Variants in CD44 observed in about 807,000 individuals in gnomAD.
CD44 encodes CD44 molecule (IN blood group).
Under a neutral mutation model 88.8 loss-of-function variants are expected in CD44, and 49 were observed. The ratio of observed to expected loss-of-function variants is 0.55; its 90% CI spans 0.44 to 0.70. CD44 has a LOEUF of 0.70. Ranked by LOEUF, CD44 falls within the 30% of genes least tolerant of loss-of-function variation. The probability of loss-of-function intolerance (pLI) is 0.00; values close to 1 mark genes in which losing one functional copy is unlikely to be tolerated. For missense variants in CD44, 883 were observed against 913.8 expected (o/e 0.97, Z 0.43); for synonymous variants, 325 against 312.3 (o/e 1.04, Z -0.43).
rs150884529 is a variant in CD44, at chr11:35,185,660, A to T, written c.368-1172A>T. Among the ~76,000 whole-genome samples, 227 of 152,280 alleles carry T rather than the reference A, an allele frequency of 1.5e-3. 1 individual carries two copies. Among genetic ancestry groups the T allele is most frequent in the African/African-American group, 5.3e-3 (221 of 41,550 alleles). On this transcript the variant is annotated intron_variant, in intron 3 of 17. Coordinates refer to ENST00000428726, the MANE Select transcript of CD44 (RefSeq NM_000610.4). ...TTTGCCAGGAGCAATTCTGGGAGAA[A>T]CTAACCTAACAAATAAATTTCCATT...
In CD44 at chr11:35,199,723, C is replaced by T. The variant is rs148351643; in HGVS notation, c.923-1359C>T. Among the ~76,000 whole-genome samples, 948 of 152,146 alleles carry T rather than the reference C, an allele frequency of 6.2e-3. 8 individuals are homozygous for T. Among genetic ancestry groups the T allele is most frequent in the Middle Eastern group, 0.01 (3 of 294 alleles). Reference sequence around the variant, plus strand: ...ATAAGAAAATTCCTTTTGGTAACTTCAGAACAAAAACCAAATAATCAAAAA... The same window carrying T: ...ATAAGAAAATTCCTTTTGGTAACTTTAGAACAAAAACCAAATAATCAAAAA... On this transcript the variant is annotated intron_variant, in intron 7 of 17. Transcript: ENST00000428726.
chr11:35,228,169 G>A (rs1406221826), intron 17 of CD44, among the ~76,000 whole-genome samples: 1 of 152,170 alleles, frequency 6.6e-6, no homozygotes, highest in African/African-American at 2.4e-5. Flanking sequence ...GTGGGGTGAA[G>A]CAATGGACAG....
chr11:35,212,148 T>G (rs2134210213), intron 14 of CD44, among the ~76,000 whole-genome samples: 1 of 152,298 alleles, frequency 6.6e-6, no homozygotes, highest in East Asian at 1.9e-4. Context: ...TCATCTCTGC[T>G]TCTGCTTTTC....
chr11:35,139,360 GGC>G lies in CD44; in HGVS notation c.60_61del (p.Gln21AspfsTer30). The G allele has an allele frequency of 6.4e-7, 1 of 1,559,120 alleles. No individual in the cohort carries two copies. Among genetic ancestry groups the G allele is most frequent in the Non-Finnish European group, 8.7e-7 (1 of 1,151,052 alleles). ...WGLCLVPLSLAQIDLNITCRF... is the reference protein window; with the variant it reads ...WGLCLVPLSLXQIDLNITCRF... Reference sequence around the variant, plus strand: ...GACTCTGCCTCGTGCCGCTGAGCCTGGCGCAGATCGGTGAGTGCCCGCCGCAG... The same window carrying G: ...GACTCTGCCTCGTGCCGCTGAGCCTGGCAGATCGGTGAGTGCCCGCCGCAG... On this transcript the variant is annotated frameshift_variant, in exon 1 of 18. Coordinates refer to ENST00000428726, the MANE Select transcript of CD44 (RefSeq NM_000610.4). LOFTEE classifies it high-confidence loss of function.
At chr11:35,226,339 C>T (rs1051209761) in intron 17 of CD44, among the ~76,000 whole-genome samples, 3 of 152,176 alleles carry the variant, frequency 2.0e-5, no homozygotes, top group African/African-American at 2.4e-5. Context: ...CATTCCATCC[C>T]TCAACCACCC....
intron 7 of CD44, 142 bp downstream of exon 7, chr11:35,198,388 A>G (rs1407458508): frequency 1.6e-6 from 1 of 621,230 alleles, no homozygotes; most frequent in Admixed American, 3.1e-5. Flanking sequence ...TATCTTGATG[A>G]GATTATGGAA....
intron 3 of CD44, among the ~76,000 whole-genome samples, chr11:35,183,922 T>A (rs1945402559): frequency 6.6e-6 from 1 of 152,228 alleles, no homozygotes; most frequent in African/African-American, 2.4e-5. Context: ...ACCTAAAATG[T>A]ATCAAGCATT....
intron 1 of CD44, among the ~76,000 whole-genome samples, chr11:35,141,880 G>A (rs918384929): frequency 2.6e-5 from 4 of 152,204 alleles, no homozygotes; most frequent in Non-Finnish European, 5.9e-5. Flanking sequence ...AAGGAGGAAA[G>A]GGGAAGGAAA....
At chr11:35,166,845 G>A (rs1420051789) in intron 1 of CD44, among the ~76,000 whole-genome samples, 1 of 152,236 alleles carries the variant, frequency 6.6e-6, no homozygotes, top group African/African-American at 2.4e-5. Flanking sequence ...TTCCGGGAGA[G>A]ACTGAGTCAC....
At chr11:35,165,390 G>A (rs1943141829) in intron 1 of CD44, among the ~76,000 whole-genome samples, 1 of 152,196 alleles carries the variant, frequency 6.6e-6, no homozygotes, top group South Asian at 2.1e-4. Context: ...AAGACTTTGA[G>A]TCTGTGAAAC....
chr11:35,180,349 G>T lies in CD44; in HGVS notation c.309G>T (p.Gly103=). ...CCATCTGTGCAGCAAACAACACAGGGGTGTACATCCTCACATCCAACACCT... is the reference window on the plus strand; with the variant it reads ...CCATCTGTGCAGCAAACAACACAGGTGTGTACATCCTCACATCCAACACCT... ...PNSICAANNT[G]VYILTSNTSQ... The change falls in exon 3 of 18, where the codon GGG becomes GGT. Residue 103 remains glycine, a synonymous_variant. Transcript: ENST00000428726. The T allele has an allele frequency of 6.2e-7, 1 of 1,614,038 alleles. No individual in the cohort carries two copies. The highest frequency in any genetic ancestry group is 8.5e-7 in the Non-Finnish European group (1 of 1,179,962).
chr11:35,195,644 TCA>T (rs886972384), intron 5 of CD44, among the ~76,000 whole-genome samples: 1 of 152,042 alleles, frequency 6.6e-6, no homozygotes, highest in African/African-American at 2.4e-5. Flanking sequence ...GAACTTGTTC[TCA>T]GTTTTTTGTC....
intron 5 of CD44, among the ~76,000 whole-genome samples, chr11:35,192,071 G>T (rs1163578257): frequency 6.6e-6 from 1 of 152,206 alleles, no homozygotes; most frequent in East Asian, 1.9e-4. Flanking sequence ...CAGGGAAAAG[G>T]AGTGTTTATG....
At chr11:35,227,836 C>T (rs973217247) in intron 17 of CD44, among the ~76,000 whole-genome samples, 5 of 152,196 alleles carry the variant, frequency 3.3e-5, no homozygotes. Flanking sequence ...AGAGCCCAGG[C>T]TTTGGTCATA....
At chr11:35,163,389 T>G (rs1416972738) in intron 1 of CD44, among the ~76,000 whole-genome samples, 1 of 152,134 alleles carries the variant, frequency 6.6e-6, no homozygotes, top group Non-Finnish European at 1.5e-5. Flanking sequence ...TAGTGCCCAT[T>G]GGAGTGTGAC....
At chr11:35,156,887 G>T (rs1016776543) in intron 1 of CD44, among the ~76,000 whole-genome samples, 1 of 152,126 alleles carries the variant, frequency 6.6e-6, no homozygotes, top group Non-Finnish European at 1.5e-5. Context: ...ATTTTTAATT[G>T]GCTGTGCATG....
chr11:35,224,760 C>A (rs1949575985), intron 17 of CD44, among the ~76,000 whole-genome samples: 1 of 151,992 alleles, frequency 6.6e-6, no homozygotes, highest in African/African-American at 2.4e-5. Context: ...AACAAACAAA[C>A]AAAAACCTAT....
At chr11:35,188,319 G>A (rs1945899767) in intron 4 of CD44, among the ~76,000 whole-genome samples, 1 of 152,230 alleles carries the variant, frequency 6.6e-6, no homozygotes, top group Admixed American at 6.5e-5. Context: ...GAGATGTGCT[G>A]TCTCAGCAGG....
intron 14 of CD44, chr11:35,212,638 G>C (rs996670509): frequency 1.2e-4 from 19 of 152,104 alleles, no homozygotes; most frequent in African/African-American, 4.6e-4. Context: ...AAGAAAAACA[G>C]TTTAAGAAAA....
Sources: allele counts gnomAD v4.1 joint callset (sites outside exome capture counted in the v4.1 genomes callset), GRCh38; gene constraint gnomAD v4.1.1; transcripts MANE v1.5; gene names NCBI Gene and HGNC (gene_info 2026-07-23, HGNC 2026-07-21).